Variants in CSMD3 observed in about 807,000 individuals in gnomAD.
CSMD3 encodes CUB and Sushi multiple domains 3, also known as CUB and sushi domain-containing protein 3.
A neutral mutation model predicts 435.2 loss-of-function variants in CSMD3; 177 were observed. That is an observed-to-expected ratio of 0.41 (90% CI 0.36 to 0.46). The LOEUF is 0.46. Among genes scored for constraint, CSMD3 ranks in the 20% least tolerant of loss-of-function variants. The probability of loss-of-function intolerance (pLI) is 0.34; values close to 1 mark genes in which losing one functional copy is unlikely to be tolerated. For missense variants in CSMD3, 4,265 were observed against 4,504.6 expected, an observed-to-expected ratio of 0.95 and a Z score of 1.52; for synonymous variants, 1,656 against 1,520.5, an observed-to-expected ratio of 1.09 and a Z score of -2.07.
At chr8:113,289,640 A>C (rs9643077) in intron 2 of CSMD3, among the ~76,000 whole-genome samples, 94,930 of 150,970 alleles carry the variant, frequency 0.63, 30,741 homozygotes, top group East Asian at 0.75. Flanking sequence ...GAGTCAACTG[A>C]CTTCCTCCCA....
intron 17 of CSMD3, among the ~76,000 whole-genome samples, chr8:112,656,737 C>G (rs2075267350): frequency 6.6e-6 from 1 of 152,080 alleles, no homozygotes; most frequent in Admixed American, 6.5e-5. Context: ...ATAACACACA[C>G]ATTTCAAATT....
At chr8:112,459,029 A>G (rs952408116) in intron 32 of CSMD3, among the ~76,000 whole-genome samples, 2 of 151,938 alleles carry the variant, frequency 1.3e-5, no homozygotes, top group African/African-American at 4.8e-5. Context: ...TCCCTTCTCC[A>G]CTGCCTAAAT....
At chr8:113,187,667 T>TC (rs1392158189) in intron 3 of CSMD3, among the ~76,000 whole-genome samples, 3 of 151,968 alleles carry the variant, frequency 2.0e-5, no homozygotes, top group African/African-American at 7.2e-5. Flanking sequence ...CTCTAACATT[T>TC]TAAAAAAGAG....
chr8:112,408,359 A>G lies in CSMD3; in HGVS notation c.5564T>C (p.Val1855Ala), dbSNP rs202213093. 6.2e-4 allele frequency: 1,002 copies of G among 1,612,214 alleles called. 4 individuals are homozygous for G. The highest frequency in any genetic ancestry group is 1.7e-4 in the Middle Eastern group (1 of 6,050). ...AAATCCCTTAGCTGTTATTGGTCCA[A>G]CTGAAGTAAATCGAATTGTGATCTG... Reference protein sequence around the residue: ...GNQITIRFTSVGPITAKGFHF... With the variant: ...GNQITIRFTSAGPITAKGFHF... Residue 1855 changes from valine to alanine, a missense_variant, in exon 34 of 71, where the codon GTT becomes GCT. Around this residue, in one of 3 missense-constraint regions of CSMD3, gnomAD observed 3,255 missense variants for 3,380.2 expected, o/e 0.96. Transcript: ENST00000297405.
intron 31 of CSMD3, among the ~76,000 whole-genome samples, chr8:112,479,734 G>A (rs910658378): frequency 1.3e-5 from 2 of 152,190 alleles, no homozygotes; most frequent in Admixed American, 6.5e-5. Context: ...TGTGAAGGAC[G>A]CTTGTCAACT....
At chr8:112,947,230 A>G (rs891480692) in intron 9 of CSMD3, among the ~76,000 whole-genome samples, 2 of 151,876 alleles carry the variant, frequency 1.3e-5, no homozygotes, top group Non-Finnish European at 3.0e-5. Context: ...TGGCTGCCAC[A>G]GTATACTATG....
intron 9 of CSMD3, among the ~76,000 whole-genome samples, chr8:112,937,547 C>T (rs976366757): frequency 2.6e-5 from 4 of 151,798 alleles, no homozygotes; most frequent in South Asian, 2.1e-4. Flanking sequence ...GACAGGGATT[C>T]GCCATGTTGG....
At chr8:113,153,931 A>T (rs1055321057) in intron 4 of CSMD3, among the ~76,000 whole-genome samples, 1 of 151,990 alleles carries the variant, frequency 6.6e-6, no homozygotes, top group Non-Finnish European at 1.5e-5. Flanking sequence ...AAGAAAAAAA[A>T]CCCATCCAGT....
At chr8:112,900,891 C>T (rs915111438) in intron 10 of CSMD3, among the ~76,000 whole-genome samples, 2 of 151,104 alleles carry the variant, frequency 1.3e-5, no homozygotes, top group African/African-American at 4.8e-5. Flanking sequence ...AGGCTTCTGG[C>T]TGAGTATTAT....
intron 31 of CSMD3, among the ~76,000 whole-genome samples, chr8:112,489,911 T>C (rs1442061522): frequency 1.3e-5 from 2 of 152,156 alleles, no homozygotes; most frequent in Non-Finnish European, 2.9e-5. Context: ...AATTATCTCT[T>C]AGGGAAATTT....
At chr8:112,763,791 A>G (rs2077905590) in intron 13 of CSMD3, among the ~76,000 whole-genome samples, 1 of 151,002 alleles carries the variant, frequency 6.6e-6, no homozygotes. Context: ...TGGGCACTAA[A>G]TTACTTTCAA....
chr8:112,532,638 T>C (rs929679335), intron 27 of CSMD3, among the ~76,000 whole-genome samples: 14 of 152,048 alleles, frequency 9.2e-5, no homozygotes, highest in Admixed American at 8.5e-4. Flanking sequence ...AAATAAAAAC[T>C]TTCACAAACA....
chr8:112,586,388 T>C (rs1001788554), intron 23 of CSMD3, among the ~76,000 whole-genome samples: 7 of 151,468 alleles, frequency 4.6e-5, no homozygotes, highest in Non-Finnish European at 8.9e-5. Context: ...ATAAACTATA[T>C]TTACCAAAAT....
Position 112,255,199 on chromosome 8 carries a change from T to C in CSMD3, c.10036+55A>G, listed in dbSNP as rs551543096. ...ATAGGATAAAGAAAACCATTAAATG[T>C]CACCCCTATTAATTACACAGTTACT... On this transcript the variant is annotated intron_variant, in intron 62 of 70. Transcript: ENST00000297405. The C allele has an allele frequency of 1.6e-5, 23 of 1,398,606 alleles. No individual in the cohort carries two copies. In the African/African-American group the frequency reaches 2.7e-4, roughly 16 times the overall value. The allele number at this position is 1,398,606 out of a possible 1,614,324, so 86.6% of individuals were successfully genotyped here. A position where few individuals can be genotyped will look rare whatever the true frequency, so the allele number is the denominator to read the frequency against.
At chr8:113,280,484 G>A (rs1452726918) in intron 2 of CSMD3, among the ~76,000 whole-genome samples, 2 of 151,754 alleles carry the variant, frequency 1.3e-5, no homozygotes, top group African/African-American at 4.8e-5. Flanking sequence ...ACGATCTTTT[G>A]CATTTTGGTT....
chr8:112,994,537 C>A (rs2085573398), intron 6 of CSMD3, among the ~76,000 whole-genome samples: 1 of 151,552 alleles, frequency 6.6e-6, no homozygotes. Flanking sequence ...TAGCAAGGTA[C>A]TGTGAAAGGT....
At chr8:112,612,846 A>G (rs961118779) in intron 22 of CSMD3, among the ~76,000 whole-genome samples, 1 of 150,646 alleles carries the variant, frequency 6.6e-6, no homozygotes, top group Non-Finnish European at 1.5e-5. Context: ...GCTTCCAGAG[A>G]CACCGAAATC....
At chr8:112,268,808 T>G (rs1271193164) in intron 59 of CSMD3, among the ~76,000 whole-genome samples, 1 of 152,198 alleles carries the variant, frequency 6.6e-6, no homozygotes, top group Non-Finnish European at 1.5e-5. Context: ...AAAGAATGGC[T>G]AAACCATTCC....
chr8:112,952,487 T>A (rs1423468461), intron 8 of CSMD3, among the ~76,000 whole-genome samples: 1 of 151,662 alleles, frequency 6.6e-6, no homozygotes, highest in East Asian at 1.9e-4. Context: ...GAGATCAATA[T>A]CTGAATGTGT....
Sources: allele counts gnomAD v4.1 joint callset (sites outside exome capture counted in the v4.1 genomes callset), GRCh38; gene constraint gnomAD v4.1.1; regional missense constraint gnomAD v4.1.1; transcripts MANE v1.5; gene names NCBI Gene and HGNC (gene_info 2026-07-23, HGNC 2026-07-21).